CDH12: variants seen among roughly 807,000 people sequenced by gnomAD.
CDH12 encodes cadherin-12.
A neutral mutation model predicts 74.1 loss-of-function variants in CDH12; 41 were observed. The observed-to-expected ratio is 0.55, with a 90% confidence interval of 0.43 to 0.72. The LOEUF (loss-of-function observed/expected upper bound fraction) is 0.72, where lower values mean the gene tolerates loss of function less well. Among genes scored for constraint, CDH12 ranks in the 30% least tolerant of loss-of-function variants. The pLI is 0.00. For synonymous variants in CDH12, 399 were observed against 355.0 expected (o/e 1.12, Z -1.39); for missense variants, 945 against 977.2 (o/e 0.97, Z 0.44).
At chr5:22,830,749 T>G (rs1009074341) in intron 1 of CDH12, among the ~76,000 whole-genome samples, 3 of 151,668 alleles carry the variant, frequency 2.0e-5, no homozygotes, top group Non-Finnish European at 2.9e-5. Flanking sequence ...AAAATCTAAG[T>G]CCAATTATTT....
intron 1 of CDH12, among the ~76,000 whole-genome samples, chr5:22,785,983 T>C (rs1407209818): frequency 2.6e-5 from 4 of 152,100 alleles, no homozygotes; most frequent in African/African-American, 7.2e-5. Flanking sequence ...CAAAGAAATA[T>C]AAATTGTTTT....
intron 3 of CDH12, among the ~76,000 whole-genome samples, chr5:22,277,579 T>A: frequency 6.6e-6 from 1 of 151,880 alleles, no homozygotes; most frequent in East Asian, 1.9e-4. Context: ...ACACCTGTAA[T>A]CCCAACATTT....
In CDH12 at chr5:21,816,993, G is replaced by A. The variant is rs1334856209; in HGVS notation, c.954C>T (p.Asp318=). ...CTTGTGTATCCTCATCTGTGACGATGTCAAACAAATTTCCCCCATCTCCTG... is the reference window on the plus strand; with the variant it reads ...CTTGTGTATCCTCATCTGTGACGATATCAAACAAATTTCCCCCATCTCCTG... ...IVPGDGGNLF[D]IVTDEDTQEG... The change falls in exon 9 of 15, where the codon GAC becomes GAT. Residue 318 remains aspartate (D), a synonymous_variant. Transcript: ENST00000382254. 6.2e-7 allele frequency: 1 copy of A among 1,612,566 alleles called. No homozygotes were observed. The highest frequency in any genetic ancestry group is 1.1e-5 in the South Asian group (1 of 90,966).
Position 22,034,336 on chromosome 5 carries a change from A to T in CDH12, c.231+44110T>A, listed in dbSNP as rs140646191. 1.2e-3 allele frequency among the ~76,000 whole-genome samples: 186 copies of T among 152,316 alleles called. 1 individual carries two copies. The highest frequency in any genetic ancestry group is 4.2e-3 in the African/African-American group (174 of 41,578). On this transcript the variant is annotated intron_variant, in intron 5 of 14. Coordinates refer to ENST00000382254, the MANE Select transcript of CDH12 (RefSeq NM_004061.5). ...AGGTGTGAACCACTGCACCCAGTCT[A>T]TATGTAAAGAAAATTGTTGAATAAA...
intron 3 of CDH12, among the ~76,000 whole-genome samples, chr5:22,270,841 A>T (rs905457572): frequency 9.9e-5 from 15 of 151,660 alleles, no homozygotes; most frequent in African/African-American, 3.4e-4. Context: ...AGCCCAGCTA[A>T]TTTTTTGTGT....
At chr5:21,923,881 T>C (rs1025699373) in intron 6 of CDH12, among the ~76,000 whole-genome samples, 18 of 152,178 alleles carry the variant, frequency 1.2e-4, no homozygotes, top group Admixed American at 1.0e-3. Flanking sequence ...AAAATTTCTC[T>C]TTTGCAAATT....
chr5:22,119,002 A>G (rs6452056), intron 4 of CDH12, among the ~76,000 whole-genome samples: 71,321 of 151,864 alleles, frequency 0.47, 16,991 homozygotes, highest in Middle Eastern at 0.52. Context: ...ATAAGAAGAT[A>G]AACAATTTGA....
At chr5:22,507,069 T>C (rs893325870) in intron 1 of CDH12, among the ~76,000 whole-genome samples, 2 of 152,214 alleles carry the variant, frequency 1.3e-5, no homozygotes, top group East Asian at 3.9e-4. Context: ...AGAAAGCCCA[T>C]GGACATTTAT....
chr5:21,891,146 T>G (rs1362581756), intron 6 of CDH12, among the ~76,000 whole-genome samples: 1 of 152,104 alleles, frequency 6.6e-6, no homozygotes, highest in Non-Finnish European at 1.5e-5. Context: ...CAATTTATAG[T>G]TCTGTATTAA....
chr5:21,816,920 A>C, intron 9 of CDH12, 25 bp downstream of exon 9: 1 of 1,413,798 alleles, frequency 7.1e-7, no homozygotes, highest in Non-Finnish European at 9.7e-7. Context: ...TTAGTAGTCA[A>C]CTGTCCCAAC....
intron 1 of CDH12, among the ~76,000 whole-genome samples, chr5:22,831,552 T>C (rs1200962203): frequency 6.6e-6 from 1 of 151,930 alleles, no homozygotes; most frequent in African/African-American, 2.4e-5. Flanking sequence ...AAATATAAAT[T>C]ATAAAAACAA....
At chr5:22,139,414 T>G (rs1310052906) in intron 4 of CDH12, 3 of 109,924 alleles carry the variant, frequency 2.7e-5, no homozygotes, top group Non-Finnish European at 3.9e-5. Context: ...TACATTATGC[T>G]TCCATTTAGG....
intron 5 of CDH12, among the ~76,000 whole-genome samples, chr5:22,028,852 C>T (rs1473376046): frequency 2.0e-5 from 3 of 152,208 alleles, no homozygotes; most frequent in Non-Finnish European, 4.4e-5. Flanking sequence ...CGCTACCTCA[C>T]TTCAAACTAT....
At chr5:22,294,850 C>T (rs971183109) in intron 3 of CDH12, among the ~76,000 whole-genome samples, 6 of 152,184 alleles carry the variant, frequency 3.9e-5, no homozygotes, top group Non-Finnish European at 7.3e-5. Context: ...CTTCTTTGAG[C>T]TATTAATCTT....
chr5:22,395,296 G>A (rs1271581678), intron 3 of CDH12, among the ~76,000 whole-genome samples: 1 of 152,072 alleles, frequency 6.6e-6, no homozygotes, highest in Non-Finnish European at 1.5e-5. Flanking sequence ...GAAGCCAAGG[G>A]TTGTCAATGG....
chr5:22,770,068 G>C (rs1328957310), intron 1 of CDH12, among the ~76,000 whole-genome samples: 3 of 150,514 alleles, frequency 2.0e-5, no homozygotes, highest in African/African-American at 7.3e-5. Context: ...TTTCTATCAG[G>C]TAATTCACAA....
intron 3 of CDH12, among the ~76,000 whole-genome samples, chr5:22,362,027 C>T (rs1740826282): frequency 6.6e-6 from 1 of 152,120 alleles, no homozygotes; most frequent in Non-Finnish European, 1.5e-5. Context: ...TGGGCAAGGA[C>T]TTAATGTCTA....
At chr5:22,607,639 T>G (rs544052188) in intron 1 of CDH12, among the ~76,000 whole-genome samples, 14 of 152,238 alleles carry the variant, frequency 9.2e-5, no homozygotes, top group African/African-American at 3.4e-4. Flanking sequence ...CAAGTTGAGA[T>G]TTGGTGGGGA....
At chr5:22,797,491 C>T (rs1187417197) in intron 1 of CDH12, among the ~76,000 whole-genome samples, 2 of 152,160 alleles carry the variant, frequency 1.3e-5, no homozygotes, top group African/African-American at 4.8e-5. Flanking sequence ...TAAGTGGCTT[C>T]TGACTCTAGT....
Sources: allele counts gnomAD v4.1 joint callset (sites outside exome capture counted in the v4.1 genomes callset), GRCh38; gene constraint gnomAD v4.1.1; transcripts MANE v1.5; gene names NCBI Gene and HGNC (gene_info 2026-07-23, HGNC 2026-07-21).